LAMA3: variants seen among roughly 807,000 people sequenced by gnomAD.
LAMA3 encodes the protein laminin subunit alpha-3.
Under a neutral mutation model 402.0 loss-of-function variants are expected in LAMA3, and 281 were observed. The ratio of observed to expected loss-of-function variants is 0.70; its 90% CI spans 0.63 to 0.77. The LOEUF is 0.77. Among genes scored for constraint, LAMA3 ranks in the 30% least tolerant of loss-of-function variants. LAMA3 has a pLI of 0.00. For synonymous variants in LAMA3, 1,431 were observed against 1,558.4 expected (o/e 0.92, Z 1.93); for missense variants, 3,840 against 4,215.5 (o/e 0.91, Z 2.47).
At position 23,892,742 on chromosome 18, in the gene LAMA3, A is replaced by C. The variant is rs553455405; in HGVS notation, c.5411-1556A>C. The stretch of plus-strand genomic sequence containing the variant: ...ACATGGGGAAACCCTGTCTCTACTA[A>C]AAATACAAAAATTAGCTGGGTGTGG... On this transcript the variant is annotated intron_variant, in intron 42 of 74. Transcript: ENST00000313654. Among the ~76,000 whole-genome samples the C allele has an allele frequency of 1.2e-4, 18 of 152,114 alleles. No homozygotes were observed. In the South Asian group the frequency reaches 2.1e-3, roughly 18 times the overall value.
intron 65 of LAMA3, 184 bp downstream of exon 65, chr18:23,931,385 G>T: frequency 1.6e-6 from 1 of 614,872 alleles, no homozygotes; most frequent in Non-Finnish European, 2.9e-6. Flanking sequence ...TGCCACACAT[G>T]GTGGCTCATG....
At chr18:23,707,305 C>T (rs1415970755) in intron 1 of LAMA3, among the ~76,000 whole-genome samples, 1 of 152,162 alleles carries the variant, frequency 6.6e-6, no homozygotes, top group Non-Finnish European at 1.5e-5. Context: ...TGGACTTTCT[C>T]ACAGAATGGT....
chr18:23,770,855 T>G (rs2062184582), intron 8 of LAMA3, among the ~76,000 whole-genome samples: 1 of 152,090 alleles, frequency 6.6e-6, no homozygotes, highest in Non-Finnish European at 1.5e-5. Flanking sequence ...TACTACATAC[T>G]CCCCAGGATT....
intron 11 of LAMA3, among the ~76,000 whole-genome samples, chr18:23,781,972 T>C (rs1488328431): frequency 6.6e-6 from 1 of 152,240 alleles, no homozygotes; most frequent in Non-Finnish European, 1.5e-5. Flanking sequence ...GTAAAGACTA[T>C]AAAGTTGTTC....
At chr18:23,711,558 G>A (rs1341376451) in intron 1 of LAMA3, among the ~76,000 whole-genome samples, 2 of 152,218 alleles carry the variant, frequency 1.3e-5, no homozygotes, top group Non-Finnish European at 2.9e-5. Flanking sequence ...ATGCATGGAT[G>A]TATAATAAAC....
intron 8 of LAMA3, among the ~76,000 whole-genome samples, chr18:23,767,579 T>TTTC (rs2062101977): frequency 5.9e-4 from 5 of 8,460 alleles, no homozygotes; most frequent in Admixed American, 3.5e-3. Context: ...CTTTCTTTTC[T>TTTC]TTTTTTTTTT....
At position 23,887,878 on chromosome 18, in the gene LAMA3, GT is replaced by G. The variant is rs1362866096; in HGVS notation, c.5304-2129del. Among the ~76,000 whole-genome samples the G allele has an allele frequency of 2.6e-5, 4 of 152,196 alleles. No individual in the cohort carries two copies. The South Asian group carries it at 8.3e-4, about 32-fold the overall frequency. On this transcript the variant is annotated intron_variant, in intron 41 of 74. Coordinates refer to ENST00000313654, the MANE Select transcript of LAMA3 (RefSeq NM_198129.4). The stretch of plus-strand genomic sequence containing the variant: ...CCAATGTCATTCGTGAAATCAGGAG[GT>G]TTTACTTCAGTCCTTTGGGTTTAGC...
chr18:23,921,889 G>A lies in LAMA3; in HGVS notation c.8177+304G>A, dbSNP rs913949422. Among the ~76,000 whole-genome samples the A allele has an allele frequency of 4.6e-5, 7 of 152,214 alleles. No homozygotes were observed. The East Asian group carries it at 7.7e-4, about 17-fold the overall frequency. ...GGCAGCAAGTAGAACAGAGGCTGTGGCCCTGGGCCCTTGAAGGCTGCATAG... is the reference window on the plus strand; with the variant it reads ...GGCAGCAAGTAGAACAGAGGCTGTGACCCTGGGCCCTTGAAGGCTGCATAG... On this transcript the variant is annotated intron_variant, in intron 62 of 74. Transcript: ENST00000313654.
At chr18:23,818,212 TA>T (rs2063215474) in intron 18 of LAMA3, among the ~76,000 whole-genome samples, 1 of 152,222 alleles carries the variant, frequency 6.6e-6, no homozygotes, top group African/African-American at 2.4e-5. Flanking sequence ...CTGGTGTTGA[TA>T]AAATGAGCTT....
intron 32 of LAMA3, among the ~76,000 whole-genome samples, chr18:23,847,923 C>T (rs2063857776): frequency 6.6e-6 from 1 of 152,262 alleles, no homozygotes; most frequent in Non-Finnish European, 1.5e-5. Context: ...TTGACTCCAG[C>T]ATGCTGTCAC....
chr18:23,905,582 C>G lies in LAMA3; in HGVS notation c.6676C>G (p.Leu2226Val). ...AKTLSSNSDKLLNEAKMTQKK... is the reference protein window; with the variant it reads ...AKTLSSNSDKVLNEAKMTQKK... ...AACCCTGAGTTCCAACAGTGATAAA[C>G]TGTTAAATGAAGCCAAGATGACACA... The change falls in exon 52 of 75, where the codon CTG (leucine) becomes GTG (valine). Residue 2226 changes from leucine (L) to valine (V), a missense_variant. Leu to Val is a conservative substitution (Grantham distance 32, BLOSUM62 1). Coordinates refer to ENST00000313654, the MANE Select transcript of LAMA3 (RefSeq NM_198129.4). 2 of 1,611,796 alleles carry G rather than the reference C, an allele frequency of 1.2e-6. No homozygotes were observed. Among genetic ancestry groups the G allele is most frequent in the Non-Finnish European group, 1.7e-6 (2 of 1,178,302 alleles).
chr18:23,925,797 A>G (rs1419050429), intron 62 of LAMA3, among the ~76,000 whole-genome samples: 2 of 152,210 alleles, frequency 1.3e-5, no homozygotes, highest in African/African-American at 4.8e-5. Context: ...GTGGAAGTAA[A>G]TCTCTTCCAT....
At chr18:23,889,010 T>G (rs1309495090) in intron 41 of LAMA3, among the ~76,000 whole-genome samples, 1 of 151,904 alleles carries the variant, frequency 6.6e-6, no homozygotes, top group Non-Finnish European at 1.5e-5. Context: ...GAGTTCTCAT[T>G]ACTATACTAT....
chr18:23,902,290 G>A (rs191481488), intron 48 of LAMA3, among the ~76,000 whole-genome samples: 5 of 152,056 alleles, frequency 3.3e-5, no homozygotes, highest in Non-Finnish European at 5.9e-5. Context: ...AGCCATTATC[G>A]AGCCACTGCA....
At chr18:23,695,543 C>T (rs565071975) in intron 1 of LAMA3, among the ~76,000 whole-genome samples, 2 of 152,056 alleles carry the variant, frequency 1.3e-5, no homozygotes, top group East Asian at 3.9e-4. Context: ...TCCTTAAGGC[C>T]AGGAATGGTG....
rs1458412102 is a variant in LAMA3, at chr18:23,899,280, T to C, written c.5837-8T>C. On this transcript the variant is annotated splice_polypyrimidine_tract_variant and splice_region_variant and intron_variant, in intron 46 of 74. Transcript: ENST00000313654. ...TCCCAGTCTAATAGACCACTTGATG[T>C]TTCCTAGTTCTTTTAAAGCAGATCT... 2 of 1,613,580 alleles carry C rather than the reference T, an allele frequency of 1.2e-6. No homozygotes were observed. The highest frequency in any genetic ancestry group is 1.7e-6 in the Non-Finnish European group (2 of 1,179,652).
intron 30 of LAMA3, among the ~76,000 whole-genome samples, chr18:23,845,719 G>A (rs777360093): frequency 3.9e-5 from 6 of 152,214 alleles, no homozygotes; most frequent in Non-Finnish European, 7.3e-5. Flanking sequence ...AATATTAAGA[G>A]CAAAGGCTCT....
intron 7 of LAMA3, among the ~76,000 whole-genome samples, chr18:23,762,165 G>A (rs78048723): frequency 4.6e-5 from 7 of 152,176 alleles, no homozygotes; most frequent in East Asian, 1.9e-4. Context: ...GTGGTGAGCC[G>A]TGACCACACC....
At chr18:23,742,650 ATGTGTGTGTGTGTGTG>A (rs141466075) in intron 2 of LAMA3, among the ~76,000 whole-genome samples, 2 of 147,938 alleles carry the variant, frequency 1.4e-5, no homozygotes, top group Admixed American at 1.3e-4. Context: ...AGAATCAAAA[ATGTGTGTGTGTGTGTG>A]TGTGTGTGTG....
Sources: gnomAD v4.1 joint callset for allele counts (sites outside exome capture counted in the v4.1 genomes callset) on GRCh38, gnomAD v4.1.1 for gene constraint, MANE v1.5 for transcripts, NCBI Gene and HGNC (gene_info 2026-07-23, HGNC 2026-07-21) for gene names.